AR: variants seen among roughly 807,000 people sequenced by gnomAD.
AR encodes the protein androgen receptor.
AR carries 8 observed loss-of-function variants against 53.9 expected under a neutral mutation model. The observed-to-expected ratio is 0.15, with a 90% CI of 0.09 to 0.27. The LOEUF (loss-of-function observed/expected upper bound fraction) is 0.27, where lower values mean the gene tolerates loss of function less well. AR is among the 10% of genes least tolerant of loss of function. The pLI, the probability that AR is intolerant of heterozygous loss-of-function variation, is 1.00. For synonymous variants in AR, 359 were observed against 316.4 expected, an observed-to-expected ratio of 1.13 and a Z score of -1.43; for missense variants, 639 against 742.5, an observed-to-expected ratio of 0.86 and a Z score of 1.62.
At chrX:67,590,795 G>T (rs1319832827) in intron 1 of AR, among the ~76,000 whole-genome samples, 1 of 111,846 alleles carries the variant, frequency 8.9e-6, no homozygotes, top group Non-Finnish European at 1.9e-5. Flanking sequence ...TAGAACTCTG[G>T]AATTCATCAG....
chrX:67,623,248 T>A (rs1924465521), intron 1 of AR, among the ~76,000 whole-genome samples: 1 of 110,323 alleles, frequency 9.1e-6, no homozygotes, highest in Non-Finnish European at 1.9e-5. Context: ...TTTCCAGAAC[T>A]CTGGAAAGGA....
rs1272950649 is a variant in AR, at chrX:67,730,569, C to T, written c.*6728C>T. On this transcript the variant is annotated 3_prime_UTR_variant, in exon 8 of 8. Coordinates refer to ENST00000374690, the MANE Select transcript of AR (RefSeq NM_000044.6). The stretch of plus-strand genomic sequence containing the variant: ...AGACCCAAGAAAAGCTGCTAATGTC[C>T]TCTTATCATTGTTGTTAATTTGTTA... 1.2e-5 allele frequency: 2 copies of T among 170,826 alleles called. No individual in the cohort carries two copies. Among genetic ancestry groups the T allele is most frequent in the East Asian group, 8.4e-5 (1 of 11,887 alleles). 14.1% of individuals were successfully genotyped at this position (170,826 alleles called of 1,213,427 possible).
chrX:67,695,401 ACT>A, intron 3 of AR: 2 of 753,313 alleles, frequency 2.7e-6, no homozygotes, highest in Non-Finnish European at 3.1e-6. Flanking sequence ...CTTCAAACAC[ACT>A]GAGAGACTAC....
chrX:67,631,691 G>A (rs909956402), intron 1 of AR, among the ~76,000 whole-genome samples: 17 of 112,617 alleles, frequency 1.5e-4, no homozygotes, highest in African/African-American at 3.5e-4. Flanking sequence ...GAGGAACTGC[G>A]TTCCTTTGGA....
intron 1 of AR, among the ~76,000 whole-genome samples, chrX:67,630,397 C>T (rs976497911): frequency 2.7e-5 from 3 of 111,443 alleles, no homozygotes; most frequent in African/African-American, 9.8e-5. Context: ...ATGTAATGGC[C>T]TTCTTTGTCT....
At chrX:67,647,168 A>G (rs764342992) in intron 2 of AR, among the ~76,000 whole-genome samples, 11 of 112,222 alleles carry the variant, frequency 9.8e-5, no homozygotes, top group Admixed American at 6.6e-4. Flanking sequence ...ATTGAAGATT[A>G]TATGTCCATT....
rs764789232 is a variant in AR, at chrX:67,546,290, C to T, written c.1144C>T (p.His382Tyr). Residue 382 changes from histidine to tyrosine, a missense_variant, in exon 1 of 8, where the codon CAT (histidine) becomes TAT (tyrosine). This residue lies in a region of AR where 423 missense variants were observed against 377.0 expected (regional missense o/e 1.12). Coordinates refer to ENST00000374690, the MANE Select transcript of AR (RefSeq NM_000044.6). ...AGPPPPPPPPHPHARIKLENP... is the reference protein window; with the variant it reads ...AGPPPPPPPPYPHARIKLENP... ...ACCGCCGCCCCCTCCGCCGCCTCCC[C>T]ATCCCCACGCTCGCATCAAGCTGGA... 3.3e-6 allele frequency: 4 copies of T among 1,202,184 alleles called. No homozygotes were observed. The highest frequency in any genetic ancestry group is 1.7e-5 in the African/African-American group (1 of 57,259).
chrX:67,573,461 T>G (rs2147348610), intron 1 of AR, among the ~76,000 whole-genome samples: 1 of 111,691 alleles, frequency 9.0e-6, no homozygotes, highest in African/African-American at 3.2e-5. Context: ...GGACAGCAGG[T>G]TTGGCACAAA....
At chrX:67,624,696 G>A (rs1419402573) in intron 1 of AR, among the ~76,000 whole-genome samples, 3 of 109,301 alleles carry the variant, frequency 2.7e-5, no homozygotes, top group African/African-American at 1.0e-4. Context: ...ATTTATCTCT[G>A]GAATGTAAAT....
intron 2 of AR, among the ~76,000 whole-genome samples, chrX:67,669,609 C>A (rs1369937599): frequency 9.0e-6 from 1 of 111,287 alleles, no homozygotes; most frequent in East Asian, 2.8e-4. Flanking sequence ...ATTTTTCTGT[C>A]TGGATGATCT....
intron 1 of AR, among the ~76,000 whole-genome samples, chrX:67,552,587 C>T (rs1930037141): frequency 8.9e-6 from 1 of 112,218 alleles, no homozygotes; most frequent in African/African-American, 3.2e-5. Context: ...CATATGATAC[C>T]TCTGTGTTTA....
Position 67,685,975 on chromosome X carries a change from A to G in AR, c.1769-35A>G, listed in dbSNP as rs370025244. The G allele has an allele frequency of 9.9e-6, 12 of 1,207,778 alleles. No homozygotes were observed. In the African/African-American group the frequency reaches 1.2e-4, roughly 12 times the overall value. ...AAGAAAGAGACTCTGGAAACTCATT[A>G]TCAGGTCTATCAACTCTTGTATTTG... is the stretch of plus-strand genomic sequence containing the variant. On this transcript the variant is annotated intron_variant, in intron 2 of 7. Coordinates refer to ENST00000374690, the MANE Select transcript of AR (RefSeq NM_000044.6).
At chrX:67,633,712 C>G (rs1925280730) in intron 1 of AR, among the ~76,000 whole-genome samples, 1 of 111,582 alleles carries the variant, frequency 9.0e-6, no homozygotes, top group Non-Finnish European at 1.9e-5. Flanking sequence ...TATATCCATG[C>G]CATGGTTTAT....
intron 1 of AR, among the ~76,000 whole-genome samples, chrX:67,637,528 T>C (rs1445969215): frequency 9.2e-6 from 1 of 108,834 alleles, no homozygotes; most frequent in Admixed American, 9.9e-5. Context: ...TATGGCTGCA[T>C]AGTATTCCAC....
At chrX:67,642,143 G>A (rs1925811601) in intron 1 of AR, among the ~76,000 whole-genome samples, 2 of 111,736 alleles carry the variant, frequency 1.8e-5, no homozygotes, top group South Asian at 7.6e-4. Flanking sequence ...CCTTAGTAAG[G>A]AAGAAGTGCT....
intron 2 of AR, among the ~76,000 whole-genome samples, chrX:67,669,798 CCTT>C (rs2075851998): frequency 9.1e-6 from 1 of 109,571 alleles, no homozygotes; most frequent in Admixed American, 9.8e-5. Context: ...TATATAATGA[CCTT>C]CTTTTTCTCT....
chrX:67,635,422 C>A (rs1925381546), intron 1 of AR, among the ~76,000 whole-genome samples: 1 of 111,569 alleles, frequency 9.0e-6, no homozygotes, highest in Admixed American at 9.6e-5. Flanking sequence ...ACAAATAAAA[C>A]TGGTCTGTGA....
chrX:67,584,989 C>T (rs779275737), intron 1 of AR, among the ~76,000 whole-genome samples: 1 of 111,765 alleles, frequency 8.9e-6, no homozygotes, highest in African/African-American at 3.3e-5. Flanking sequence ...GGCGCAGTGG[C>T]TCACGACTGT....
At chrX:67,634,861 A>G (rs1300232715) in intron 1 of AR, among the ~76,000 whole-genome samples, 1 of 111,923 alleles carries the variant, frequency 8.9e-6, no homozygotes, top group Non-Finnish European at 1.9e-5. Context: ...TTAATAAAAT[A>G]TATTTTGTTA....
Sources: gnomAD v4.1 joint callset for allele counts (sites outside exome capture counted in the v4.1 genomes callset) on GRCh38, gnomAD v4.1.1 for gene constraint, gnomAD v4.1.1 regional missense constraint, MANE v1.5 for transcripts, NCBI Gene and HGNC (gene_info 2026-07-23, HGNC 2026-07-21) for gene names.